MAML3: variants seen among roughly 807,000 people sequenced by gnomAD.
The protein encoded by MAML3 is mastermind like transcriptional coactivator 3.
Under a neutral mutation model 101.9 loss-of-function variants are expected in MAML3, and 27 were observed. That is an observed-to-expected ratio of 0.27 (90% CI 0.20 to 0.37). The LOEUF (loss-of-function observed/expected upper bound fraction) is 0.37. Among genes scored for constraint, MAML3 ranks in the 10% least tolerant of loss-of-function variants. MAML3 has a pLI of 1.00. For synonymous variants in MAML3, 501 were observed against 555.9 expected, an observed-to-expected ratio of 0.90 and a Z score of 1.39; for missense variants, 1,316 against 1,444.9, an observed-to-expected ratio of 0.91 and a Z score of 1.45.
intron 2 of MAML3, among the ~76,000 whole-genome samples, chr4:139,756,526 C>T (rs936540033): frequency 1.3e-5 from 2 of 152,088 alleles, no homozygotes; most frequent in African/African-American, 4.8e-5. Context: ...TTAAAGGGAC[C>T]CCGAGGCACT....
At chr4:139,914,965 T>TC in intron 1 of MAML3, among the ~76,000 whole-genome samples, 1 of 151,262 alleles carries the variant, frequency 6.6e-6, no homozygotes, top group Non-Finnish European at 1.5e-5. Flanking sequence ...GGTTTTTTTT[T>TC]CTCTGATGTG....
intron 2 of MAML3, among the ~76,000 whole-genome samples, chr4:139,815,364 C>T (rs761172044): frequency 1.3e-5 from 2 of 152,186 alleles, no homozygotes; most frequent in African/African-American, 4.8e-5. Flanking sequence ...TTATTATGTG[C>T]TAGGCACTTT....
intron 2 of MAML3, among the ~76,000 whole-genome samples, chr4:139,755,495 T>C (rs142036542): frequency 0.062 from 9,388 of 151,886 alleles, 482 homozygotes; most frequent in Admixed American, 0.14. Context: ...GTAGTCCCAG[T>C]TACATGGGAG....
intron 1 of MAML3, among the ~76,000 whole-genome samples, chr4:139,978,335 C>G (rs549288153): frequency 6.6e-6 from 1 of 152,114 alleles, no homozygotes; most frequent in Non-Finnish European, 1.5e-5. Context: ...AGCACCAACT[C>G]TAGCTGCAGA....
chr4:140,025,074 C>T, intron 1 of MAML3, among the ~76,000 whole-genome samples: 1 of 152,122 alleles, frequency 6.6e-6, no homozygotes, highest in East Asian at 1.9e-4. Context: ...GAAGCAGAGA[C>T]AGATTAAAAA....
intron 1 of MAML3, among the ~76,000 whole-genome samples, chr4:139,914,373 A>C (rs1475215439): frequency 1.3e-5 from 2 of 152,234 alleles, no homozygotes; most frequent in African/African-American, 4.8e-5. Context: ...GGTAGAGCTC[A>C]CAACAGAGGG....
At chr4:139,900,140 T>G (rs920926789) in intron 1 of MAML3, among the ~76,000 whole-genome samples, 1 of 152,228 alleles carries the variant, frequency 6.6e-6, no homozygotes, top group African/African-American at 2.4e-5. Flanking sequence ...TGATCTTTTT[T>G]CTTTCTGCTA....
At chr4:139,878,345 G>T (rs1418638357) in intron 2 of MAML3, among the ~76,000 whole-genome samples, 9 of 152,070 alleles carry the variant, frequency 5.9e-5, no homozygotes, top group Non-Finnish European at 1.2e-4. Context: ...ATTTAGTAAG[G>T]TAGCACTGAC....
At position 140,154,127 on chromosome 4, in the gene MAML3, G is replaced by GCCTCCTCCTCCTCCTCTCGCTCCTCCA. The variant is rs1426298141; in HGVS notation, c.-827_-801dup. ...ACTGCTCGCCGCCGCCGCCGCCGCC[G>GCCTCCTCCTCCTCCTCTCGCTCCTCCA]CCTCCTCCTCCTCCTCTCGCTCCTC... On this transcript the variant is annotated 5_prime_UTR_variant, in exon 1 of 5. Transcript: ENST00000509479. The GCCTCCTCCTCCTCCTCTCGCTCCTCCA allele has an allele frequency of 5.6e-6, 1 of 178,992 alleles. No homozygotes were observed. Among genetic ancestry groups the GCCTCCTCCTCCTCCTCTCGCTCCTCCA allele is most frequent in the African/African-American group, 2.4e-5 (1 of 41,710 alleles). The allele number at this position is 178,992 out of a possible 1,614,324, so 11.1% of individuals were successfully genotyped here.
intron 2 of MAML3, among the ~76,000 whole-genome samples, chr4:139,770,626 A>C (rs984872578): frequency 2.6e-5 from 4 of 152,088 alleles, no homozygotes; most frequent in African/African-American, 9.7e-5. Flanking sequence ...TTGTTCCTAA[A>C]AATAAAAGTC....
intron 2 of MAML3, among the ~76,000 whole-genome samples, chr4:139,770,170 G>A (rs1392492368): frequency 3.3e-5 from 5 of 152,098 alleles, no homozygotes; most frequent in African/African-American, 7.2e-5. Flanking sequence ...GGGCTCCAGC[G>A]ATCCTCCCGC....
chr4:139,960,769 C>G (rs1333172065), intron 1 of MAML3, among the ~76,000 whole-genome samples: 1 of 152,138 alleles, frequency 6.6e-6, no homozygotes, highest in East Asian at 1.9e-4. Flanking sequence ...CCCACAGCTG[C>G]TTCCTAGAAG....
At chr4:140,149,125 C>T (rs10049580) in intron 1 of MAML3, among the ~76,000 whole-genome samples, 12,816 of 152,110 alleles carry the variant, frequency 0.084, 806 homozygotes, top group East Asian at 0.25. Flanking sequence ...TAAACAATGC[C>T]CCCTTTTGTT....
chr4:140,058,489 G>GTAGA (rs1727390671), intron 1 of MAML3, among the ~76,000 whole-genome samples: 1 of 151,538 alleles, frequency 6.6e-6, no homozygotes, highest in Non-Finnish European at 1.5e-5. Context: ...TTCCTGCTGA[G>GTAGA]TAGATAGATA....
chr4:139,916,569 A>G (rs1733032581), intron 1 of MAML3, among the ~76,000 whole-genome samples: 1 of 152,214 alleles, frequency 6.6e-6, no homozygotes, highest in African/African-American at 2.4e-5. Context: ...GCTCGTAAGC[A>G]TGTATGCTGT....
intron 1 of MAML3, among the ~76,000 whole-genome samples, chr4:139,973,121 G>A (rs1734259645): frequency 6.6e-6 from 1 of 152,180 alleles, no homozygotes; most frequent in African/African-American, 2.4e-5. Context: ...CATAAATCAA[G>A]CTACTTGGCT....
intron 2 of MAML3, among the ~76,000 whole-genome samples, chr4:139,768,996 A>C (rs1171615681): frequency 6.6e-6 from 1 of 152,228 alleles, no homozygotes; most frequent in East Asian, 1.9e-4. Flanking sequence ...CCAGGGGCTG[A>C]CTGAGCCCCA....
At chr4:139,747,796 G>A (rs932408193) in intron 2 of MAML3, among the ~76,000 whole-genome samples, 15 of 152,098 alleles carry the variant, frequency 9.9e-5, no homozygotes, top group Non-Finnish European at 1.6e-4. Context: ...GCTCATGCCT[G>A]TAATCCCAGG....
chr4:139,925,998 AG>A (rs1206962813), intron 1 of MAML3, among the ~76,000 whole-genome samples: 4 of 152,144 alleles, frequency 2.6e-5, no homozygotes, highest in African/African-American at 9.7e-5. Context: ...AGAACTTTTT[AG>A]GGTGATGGGA....
Sources: allele counts gnomAD v4.1 joint callset (sites outside exome capture counted in the v4.1 genomes callset), GRCh38; gene constraint gnomAD v4.1.1; transcripts MANE v1.5; gene names NCBI Gene and HGNC (gene_info 2026-07-23, HGNC 2026-07-21).